Variants in ME3 observed in about 807,000 individuals in gnomAD.
ME3 encodes the protein malic enzyme 3.
Under a neutral mutation model 68.9 loss-of-function variants are expected in ME3, and 48 were observed. That is an observed-to-expected ratio of 0.70 (90% CI 0.55 to 0.89). The LOEUF is 0.89. ME3 is among the 40% of genes least tolerant of loss of function. ME3 has a pLI of 0.00. For missense variants in ME3, 675 were observed against 797.4 expected, an observed-to-expected ratio of 0.85 and a Z score of 1.85; for synonymous variants, 320 against 318.8, an observed-to-expected ratio of 1.00 and a Z score of -0.04.
intron 8 of ME3, chr11:86,457,749 G>A (rs1390901203): frequency 3.9e-6 from 5 of 1,286,182 alleles, no homozygotes; most frequent in Admixed American, 4.6e-5. Context: ...TGAAAGTGTG[G>A]CAGGTTGTTC....
chr11:86,439,056 G>A (rs536314738), downstream of ME3, among the ~76,000 whole-genome samples: 5 of 152,262 alleles, frequency 3.3e-5, no homozygotes, highest in East Asian at 1.9e-4. Context: ...AAGGGAGGGC[G>A]AATCCATTTT....
At chr11:86,554,591 G>C (rs1296829457) in intron 4 of ME3, among the ~76,000 whole-genome samples, 2 of 152,064 alleles carry the variant, frequency 1.3e-5, no homozygotes, top group African/African-American at 2.4e-5. Context: ...TTTTATGCCA[G>C]GTACCTGATC....
intron 13 of ME3, among the ~76,000 whole-genome samples, chr11:86,444,754 A>G (rs981556972): frequency 1.3e-5 from 2 of 152,228 alleles, no homozygotes; most frequent in Admixed American, 6.5e-5. Flanking sequence ...TGGTGAATGC[A>G]CATCTCCTTA....
intron 4 of ME3, among the ~76,000 whole-genome samples, chr11:86,544,343 C>CA (rs1248534736): frequency 6.6e-6 from 1 of 151,752 alleles, no homozygotes; most frequent in Non-Finnish European, 1.5e-5. Flanking sequence ...AAAAAAAATT[C>CA]AAAAAAATCA....
chr11:86,457,784 GT>G (rs768325521), intron 8 of ME3: 21 of 1,251,124 alleles, frequency 1.7e-5, no homozygotes, highest in East Asian at 1.2e-4. Flanking sequence ...AGAAAAAGAA[GT>G]TTTTTTTTCC....
At chr11:86,561,392 C>G (rs1957227108) in intron 2 of ME3, among the ~76,000 whole-genome samples, 1 of 152,070 alleles carries the variant, frequency 6.6e-6, no homozygotes, top group South Asian at 2.1e-4. Context: ...ACTTGTGTCC[C>G]TTGCTTATTT....
At chr11:86,617,418 G>C (rs1192668530) in intron 2 of ME3, among the ~76,000 whole-genome samples, 1 of 152,106 alleles carries the variant, frequency 6.6e-6, no homozygotes, top group East Asian at 1.9e-4. Context: ...AAGACAAACT[G>C]TTGCATGAAT....
At chr11:86,653,011 A>G (rs1033101974) in intron 2 of ME3, among the ~76,000 whole-genome samples, 1 of 152,194 alleles carries the variant, frequency 6.6e-6, no homozygotes, top group Admixed American at 6.5e-5. Flanking sequence ...CCATTACATA[A>G]TGGTAAAGGG....
chr11:86,540,596 G>A (rs1955983208), intron 4 of ME3, among the ~76,000 whole-genome samples: 1 of 152,130 alleles, frequency 6.6e-6, no homozygotes, highest in Non-Finnish European at 1.5e-5. Flanking sequence ...GAGTCTATAA[G>A]AAATCAGTTC....
At chr11:86,447,093 G>T in exon 12 of ME3, 1 of 1,614,172 alleles carries the variant, frequency 6.2e-7, no homozygotes, top group Non-Finnish European at 8.5e-7. Context: ...CTTCTCAGCC[G>T]TGCACTCGGC....
chr11:86,659,629 G>A (rs1004292136), intron 2 of ME3, among the ~76,000 whole-genome samples: 1 of 152,200 alleles, frequency 6.6e-6, no homozygotes, highest in Non-Finnish European at 1.5e-5. Context: ...TGGCAGTGTG[G>A]ATGGAGACTA....
chr11:86,645,752 A>G (rs1271239661), intron 2 of ME3, among the ~76,000 whole-genome samples: 1 of 152,194 alleles, frequency 6.6e-6, no homozygotes, highest in Non-Finnish European at 1.5e-5. Context: ...TGCCTCCTGA[A>G]GGAGAGACAC....
At chr11:86,602,847 G>A (rs914976205) in intron 2 of ME3, among the ~76,000 whole-genome samples, 51 of 152,210 alleles carry the variant, frequency 3.4e-4, no homozygotes, top group Non-Finnish European at 6.5e-4. Context: ...CAAGCAATGG[G>A]GAAAGGATTC....
chr11:86,600,301 C>T (rs1960384533), intron 2 of ME3, among the ~76,000 whole-genome samples: 1 of 152,098 alleles, frequency 6.6e-6, no homozygotes, highest in Non-Finnish European at 1.5e-5. Context: ...GGGTTGCAAT[C>T]CTAGTCTCTG....
At chr11:86,595,378 C>A (rs1422267341) in intron 2 of ME3, among the ~76,000 whole-genome samples, 2 of 140,746 alleles carry the variant, frequency 1.4e-5, no homozygotes, top group Admixed American at 1.6e-4. Context: ...ACTCATGTAA[C>A]CATAATTGAC....
intron 7 of ME3, among the ~76,000 whole-genome samples, chr11:86,474,914 T>C (rs759866584): frequency 6.6e-6 from 1 of 152,258 alleles, no homozygotes; most frequent in Non-Finnish European, 1.5e-5. Flanking sequence ...AAAGTCTACT[T>C]CTGACTTCTT....
At chr11:86,659,145 C>G (rs955988269) in intron 2 of ME3, among the ~76,000 whole-genome samples, 1 of 152,230 alleles carries the variant, frequency 6.6e-6, no homozygotes, top group African/African-American at 2.4e-5. Context: ...GGAACTCACA[C>G]AGTCATCAGA....
chr11:86,530,888 T>A (rs982904115), intron 4 of ME3, among the ~76,000 whole-genome samples: 2 of 115,016 alleles, frequency 1.7e-5, no homozygotes, highest in African/African-American at 7.1e-5. Context: ...CCTAAAGCCA[T>A]AAAAACCCTA....
intron 4 of ME3, among the ~76,000 whole-genome samples, chr11:86,521,202 G>C (rs962224716): frequency 6.6e-6 from 1 of 152,080 alleles, no homozygotes; most frequent in East Asian, 1.9e-4. Flanking sequence ...GACCATCCTG[G>C]CTAACACGGT....
Sources: gnomAD v4.1 joint callset for allele counts (sites outside exome capture counted in the v4.1 genomes callset) on GRCh38, gnomAD v4.1.1 for gene constraint, MANE v1.5 for transcripts, NCBI Gene and HGNC (gene_info 2026-07-23, HGNC 2026-07-21) for gene names.